IFT52: variants seen among roughly 807,000 people sequenced by gnomAD.
The protein encoded by IFT52 is intraflagellar transport 52.
Under a neutral mutation model 54.4 loss-of-function variants are expected in IFT52, and 44 were observed. The ratio of observed to expected loss-of-function variants is 0.81; its 90% confidence interval spans 0.63 to 1.04. The LOEUF is 1.04. IFT52 is among the 50% of genes least tolerant of loss of function. The probability of loss-of-function intolerance (pLI) is 0.00; values close to 1 mark genes in which losing one functional copy is unlikely to be tolerated. For synonymous variants in IFT52, 181 were observed against 185.3 expected, an observed-to-expected ratio of 0.98 and a Z score of 0.19; for missense variants, 452 against 523.6, an observed-to-expected ratio of 0.86 and a Z score of 1.33.
Position 43,620,856 on chromosome 20 carries a change from G to A in IFT52, c.700-1G>A, listed in dbSNP as rs199638691. 3.7e-6 allele frequency: 6 copies of A among 1,602,188 alleles called. No homozygotes were observed. Among genetic ancestry groups the A allele is most frequent in the Non-Finnish European group, 5.1e-6 (6 of 1,173,994 alleles). On this transcript the variant is annotated splice_acceptor_variant, in intron 8 of 13. Transcript: ENST00000373030. LOFTEE classifies it high-confidence loss of function. ...ATTATATACTTTTTTTTTTAATTTA[G>A]GATGTTGTTTTCCAGTGGCTCACGA... is the stretch of plus-strand genomic sequence containing the variant.
intron 2 of IFT52, 105 bp from the exon 3 acceptor site, chr20:43,596,330 C>A: frequency 1.5e-6 from 1 of 680,472 alleles, no homozygotes; most frequent in South Asian, 2.0e-5. Flanking sequence ...CCCTTCATCT[C>A]TGAGCCTCTG....
chr20:43,617,439 T>A (rs910118195), intron 7 of IFT52, among the ~76,000 whole-genome samples: 12 of 118,862 alleles, frequency 1.0e-4, no homozygotes, highest in Non-Finnish European at 1.6e-4. Flanking sequence ...GCTTGTGCCT[T>A]AGTTTTCTGG....
chr20:43,593,043 G>A (rs1406716126), intron 1 of IFT52, among the ~76,000 whole-genome samples: 1 of 152,184 alleles, frequency 6.6e-6, no homozygotes, highest in Non-Finnish European at 1.5e-5. Context: ...AGGCTACAGT[G>A]AGTTGTGATT....
rs944967782 is a variant in IFT52 at position 43,614,794 on chromosome 20, A to C, written c.612+818A>C. Among the ~76,000 whole-genome samples the C allele has an allele frequency of 2.7e-5, 4 of 148,672 alleles. No homozygotes were observed. The East Asian group carries it at 7.9e-4, about 29-fold the overall frequency. Reference sequence around the variant, plus strand: ...GTCCCAGGCAGTGACCCAACATCCCACTGCCTTTCTTTTTCTTTTTTTTTT... The same window carrying C: ...GTCCCAGGCAGTGACCCAACATCCCCCTGCCTTTCTTTTTCTTTTTTTTTT... On this transcript the variant is annotated intron_variant, in intron 7 of 13. Transcript: ENST00000373030.
chr20:43,596,450 C>G lies in IFT52; in HGVS notation c.135C>G (p.Ile45Met), dbSNP rs754067267. ...NWKIQSLKDE[I>M]TSEKLNGVKL... ...GTATTTCCAGCTTAAAAGATGAAAT[C>G]ACATCTGAGAAGTTAAATGGAGTGA... The change falls in exon 3 of 14, where the codon ATC becomes ATG. Residue 45 changes from isoleucine to methionine, a missense_variant. Coordinates refer to ENST00000373030, the MANE Select transcript of IFT52 (RefSeq NM_016004.5). The G allele has an allele frequency of 6.3e-7, 1 of 1,595,118 alleles. No individual in the cohort carries two copies. Among genetic ancestry groups the G allele is most frequent in the Non-Finnish European group, 8.6e-7 (1 of 1,168,686 alleles).
intron 9 of IFT52, among the ~76,000 whole-genome samples, chr20:43,623,495 G>A (rs1984494637): frequency 6.6e-6 from 1 of 152,178 alleles, no homozygotes; most frequent in African/African-American, 2.4e-5. Flanking sequence ...AAATCATTTT[G>A]ATGGCTGAAC....
intron 10 of IFT52, among the ~76,000 whole-genome samples, chr20:43,629,494 G>T (rs756201849): frequency 8.6e-5 from 13 of 152,020 alleles, no homozygotes; most frequent in Non-Finnish European, 1.8e-4. Context: ...GGATGGTCTC[G>T]ATCTCCTGAC....
chr20:43,594,933 AAAG>A, intron 2 of IFT52, 116 bp downstream of exon 2: 1 of 697,968 alleles, frequency 1.4e-6, no homozygotes, highest in South Asian at 1.7e-5. Context: ...AGCTCAATTT[AAAG>A]ATTATTCAGA....
At chr20:43,616,476 T>C (rs1983863484) in intron 7 of IFT52, among the ~76,000 whole-genome samples, 1 of 142,408 alleles carries the variant, frequency 7.0e-6, no homozygotes, top group Non-Finnish European at 1.5e-5. Context: ...GCCACTGCAC[T>C]CCAGCCTGGG....
chr20:43,641,534 C>G (rs907159079), intron 12 of IFT52, among the ~76,000 whole-genome samples: 2 of 150,684 alleles, frequency 1.3e-5, no homozygotes, highest in South Asian at 2.1e-4. Flanking sequence ...CACCACGTCC[C>G]CCAGGCTGGA....
chr20:43,620,699 C>A (rs1330220736), intron 8 of IFT52, among the ~76,000 whole-genome samples, 158 bp from the exon 9 acceptor site: 1 of 152,152 alleles, frequency 6.6e-6, no homozygotes, highest in East Asian at 1.9e-4. Context: ...TTTGAGTTCT[C>A]ATATGATTGC....
rs182696903 is a variant in IFT52, at chr20:43,635,125, G to A, written c.924-801G>A. ...AGAGGTTGCAGTGAGCCGAGATCGCGCCACTGCACTCCAGACTAGGTGACA... is the reference window on the plus strand; with the variant it reads ...AGAGGTTGCAGTGAGCCGAGATCGCACCACTGCACTCCAGACTAGGTGACA... On this transcript the variant is annotated intron_variant, in intron 10 of 13. Transcript: ENST00000373030. Among the ~76,000 whole-genome samples the A allele has an allele frequency of 4.5e-3, 686 of 151,046 alleles. 2 individuals are homozygous for A. Among genetic ancestry groups the A allele is most frequent in the Non-Finnish European group, 7.5e-3 (510 of 67,838 alleles).
chr20:43,591,630 C>A (rs1981526700), intron 1 of IFT52, among the ~76,000 whole-genome samples: 1 of 151,820 alleles, frequency 6.6e-6, no homozygotes, highest in South Asian at 2.1e-4. Context: ...TGTTAAAGTG[C>A]TTAAAGAAGG....
At chr20:43,601,088 C>T (rs1247269654) in intron 3 of IFT52, among the ~76,000 whole-genome samples, 1 of 152,106 alleles carries the variant, frequency 6.6e-6, no homozygotes, top group Non-Finnish European at 1.5e-5. Context: ...TAGTTCTTTA[C>T]TGTGTGGGAC....
intron 6 of IFT52, among the ~76,000 whole-genome samples, chr20:43,608,862 T>C (rs6124583): frequency 0.9 from 136,746 of 152,196 alleles, 61,602 homozygotes; most frequent in African/African-American, 0.96. Flanking sequence ...GAGCCGAGAT[T>C]GCGCCGCTGC....
At chr20:43,624,773 G>T (rs1984596864) in intron 10 of IFT52, among the ~76,000 whole-genome samples, 2 of 152,118 alleles carry the variant, frequency 1.3e-5, no homozygotes. Flanking sequence ...AAAGGGCCAG[G>T]GCTCATCTTC....
At chr20:43,627,017 AGTAGCTAGGCATG>A (rs978173190) in intron 10 of IFT52, among the ~76,000 whole-genome samples, 24 of 152,024 alleles carry the variant, frequency 1.6e-4, no homozygotes, top group African/African-American at 5.6e-4. Context: ...ATAGAAAAAA[AGTAGCTAGGCATG>A]GTGGCACACG....
At chr20:43,641,029 TCAA>T (rs1985875933) in intron 12 of IFT52, among the ~76,000 whole-genome samples, 1 of 27,602 alleles carries the variant, frequency 3.6e-5, no homozygotes. Context: ...AAACCTTGTC[TCAA>T]AAAAAAAAAA....
chr20:43,605,248 C>A (rs1004859684), intron 6 of IFT52, 175 bp downstream of exon 6: 1 of 1,386,136 alleles, frequency 7.2e-7, no homozygotes. Flanking sequence ...TGAAGGTAGT[C>A]TTAATATAGT....
Sources: gnomAD v4.1 joint callset for allele counts (sites outside exome capture counted in the v4.1 genomes callset) on GRCh38, gnomAD v4.1.1 for gene constraint, MANE v1.5 for transcripts, NCBI Gene and HGNC (gene_info 2026-07-23, HGNC 2026-07-21) for gene names.